The following GLE1 variants were observed in gnomAD, a reference collection of about 807,000 sequenced individuals.
GLE1 encodes GLE1 RNA export mediator, also known as mRNA export factor GLE1.
Under a neutral mutation model 97.3 loss-of-function variants are expected in GLE1, and 78 were observed. The ratio of observed to expected loss-of-function variants is 0.80; its 90% CI spans 0.67 to 0.97. The LOEUF is 0.97. Among genes scored for constraint, GLE1 ranks in the 50% least tolerant of loss-of-function variants. The pLI, the probability that GLE1 is intolerant of heterozygous loss-of-function variation, is 0.00. For missense variants in GLE1, 753 were observed against 857.5 expected (o/e 0.88, Z 1.52); for synonymous variants, 302 against 313.4 (o/e 0.96, Z 0.39).
intron 8 of GLE1, 43 bp downstream of exon 8, chr9:128,527,334 T>C (rs1356224463): frequency 7.5e-7 from 1 of 1,326,692 alleles, no homozygotes; most frequent in Non-Finnish European, 1.1e-6. Context: ...GACTTGATGG[T>C]TCTCAGAGAA....
At chr9:128,537,528 C>A (rs961410393) in intron 12 of GLE1, among the ~76,000 whole-genome samples, 1 of 147,934 alleles carries the variant, frequency 6.8e-6, no homozygotes, top group Non-Finnish European at 1.5e-5. Flanking sequence ...GAAGGCTGGG[C>A]GAGGTAGATT....
chr9:128,515,391 A>G, intron 2 of GLE1, 138 bp from the exon 3 acceptor site: 1 of 658,570 alleles, frequency 1.5e-6, no homozygotes, highest in South Asian at 1.7e-5. Context: ...ACTAGTTCTG[A>G]CCTAAATTTT....
rs778694188 is a variant in GLE1, at chr9:128,539,664, A to T, written c.1930A>T (p.Met644Leu). The T allele has an allele frequency of 6.2e-7, 1 of 1,611,974 alleles. No homozygotes were observed. The change falls in exon 14 of 16, where the codon ATG (methionine) becomes TTG (leucine). Residue 644 changes from methionine to leucine, a missense_variant. Transcript: ENST00000309971. ...MKQYQVQFWKMLILIKEDYFP... is the reference protein window; with the variant it reads ...MKQYQVQFWKLLILIKEDYFP... The stretch of plus-strand genomic sequence containing the variant: ...GCAATACCAGGTTCAGTTCTGGAAG[A>T]TGCTAATTCTCATCAAAGAGGACTA...
chr9:128,540,226 G>A (rs1187395964), intron 14 of GLE1, 49 bp from the exon 15 acceptor site: 1 of 1,242,426 alleles, frequency 8.0e-7, no homozygotes, highest in Admixed American at 1.7e-5. Context: ...GTTTCCAAAA[G>A]ATAGGTGTAT....
chr9:128,526,706 A>ACCCAGG (rs1847309894), intron 7 of GLE1, among the ~76,000 whole-genome samples: 1 of 149,440 alleles, frequency 6.7e-6, no homozygotes, highest in Non-Finnish European at 1.5e-5. Context: ...CACTCTTGTT[A>ACCCAGG]CCCAGGCTGG....
At chr9:128,526,151 A>G (rs1459744504) in intron 7 of GLE1, among the ~76,000 whole-genome samples, 2 of 150,868 alleles carry the variant, frequency 1.3e-5, no homozygotes, top group East Asian at 4.0e-4. Context: ...CCTCCCGAGT[A>G]GCTGGGATTA....
chr9:128,523,990 T>C (rs1589056609), intron 6 of GLE1, 144 bp downstream of exon 6: 3 of 747,618 alleles, frequency 4.0e-6, no homozygotes, highest in East Asian at 2.7e-5. Context: ...CCATATCTCT[T>C]TACCTAGAAG....
intron 2 of GLE1, among the ~76,000 whole-genome samples, chr9:128,514,338 C>CAA (rs1174493216): frequency 2.1e-4 from 19 of 91,500 alleles, no homozygotes; most frequent in Admixed American, 3.6e-4. Context: ...GATCTTGTTT[C>CAA]AAAAAAAAAA....
At chr9:128,538,223 A>C (rs1207979530) in intron 13 of GLE1, 133 bp downstream of exon 13, 1 of 694,812 alleles carries the variant, frequency 1.4e-6, no homozygotes, top group African/African-American at 1.8e-5. Context: ...AGTGTCATAC[A>C]TTTTTCCCAA....
At chr9:128,514,820 C>T (rs1434738351) in intron 2 of GLE1, among the ~76,000 whole-genome samples, 1 of 149,032 alleles carries the variant, frequency 6.7e-6, no homozygotes, top group African/African-American at 2.5e-5. Flanking sequence ...GAAAAAGGTG[C>T]CTGGCCTTTT....
At chr9:128,538,750 C>T (rs1010813510) in intron 13 of GLE1, among the ~76,000 whole-genome samples, 1 of 151,910 alleles carries the variant, frequency 6.6e-6, no homozygotes, top group Non-Finnish European at 1.5e-5. Context: ...GGCTGGAGTG[C>T]ATTAGTGTGA....
intron 13 of GLE1, among the ~76,000 whole-genome samples, chr9:128,538,876 A>T (rs1045599265): frequency 6.6e-6 from 1 of 152,198 alleles, no homozygotes; most frequent in Admixed American, 6.5e-5. Flanking sequence ...GACACTTCTT[A>T]TAGAAGAAAG....
chr9:128,528,368 A>G (rs1043566077), intron 9 of GLE1, among the ~76,000 whole-genome samples: 2 of 149,560 alleles, frequency 1.3e-5, no homozygotes, highest in African/African-American at 2.5e-5. Flanking sequence ...CAGTGGCGCA[A>G]TCTCGGCTCA....
Position 128,504,744 on chromosome 9 carries a change from GC to G in GLE1, c.-61del. On this transcript the variant is annotated 5_prime_UTR_variant, in exon 1 of 16. Coordinates refer to ENST00000309971, the MANE Select transcript of GLE1 (RefSeq NM_001003722.2). Reference sequence around the variant, plus strand: ...AGAAGCCTGTGTGGCCTTCCCGGCGGCTGATTCGAGGGCTTGTTTGGTCAGA... The same window carrying G: ...AGAAGCCTGTGTGGCCTTCCCGGCGGTGATTCGAGGGCTTGTTTGGTCAGA... 1 of 1,137,394 alleles carries G rather than the reference GC, an allele frequency of 8.8e-7. No individual in the cohort carries two copies. Among genetic ancestry groups the G allele is most frequent in the Non-Finnish European group, 1.3e-6 (1 of 749,810 alleles). 70.5% of individuals were successfully genotyped at this position (1,137,394 alleles called of 1,614,324 possible).
chr9:128,535,164 C>T (rs1008119225), intron 11 of GLE1, among the ~76,000 whole-genome samples: 1 of 151,840 alleles, frequency 6.6e-6, no homozygotes, highest in Non-Finnish European at 1.5e-5. Flanking sequence ...TCGCTTGAGC[C>T]CAGGAGTTCA....
intron 12 of GLE1, chr9:128,537,002 T>C (rs539415573): frequency 9.5e-5 from 16 of 168,378 alleles, no homozygotes; most frequent in African/African-American, 3.8e-4. Context: ...TTTTATTGTA[T>C]GCCTGCTGTG....
rs545417923 is a variant in GLE1 at position 128,514,184 on chromosome 9, C to G, written c.322-1345C>G. On this transcript the variant is annotated intron_variant, in intron 2 of 15. Transcript: ENST00000309971. The stretch of plus-strand genomic sequence containing the variant: ...AAAACCCTGTCTCTACAAAAAAATA[C>G]AAAAATTAGCCAGGTGTGGTGGCGT... Among the ~76,000 whole-genome samples, 10 of 151,210 alleles carry G rather than the reference C, an allele frequency of 6.6e-5. No homozygotes were observed. The South Asian group carries it at 1.9e-3, about 28-fold the overall frequency.
intron 2 of GLE1, among the ~76,000 whole-genome samples, chr9:128,512,418 G>C (rs1384683851): frequency 6.6e-6 from 1 of 152,158 alleles, no homozygotes; most frequent in Non-Finnish European, 1.5e-5. Flanking sequence ...TTGTATTTAT[G>C]AAAGACATTA....
intron 9 of GLE1, among the ~76,000 whole-genome samples, chr9:128,529,959 G>A (rs1352817079): frequency 6.6e-6 from 1 of 152,006 alleles, no homozygotes; most frequent in Non-Finnish European, 1.5e-5. Flanking sequence ...TGTATTTTTA[G>A]TAGAGACCAG....
Sources: allele counts gnomAD v4.1 joint callset (sites outside exome capture counted in the v4.1 genomes callset), GRCh38; gene constraint gnomAD v4.1.1; transcripts MANE v1.5; gene names NCBI Gene and HGNC (gene_info 2026-07-23, HGNC 2026-07-21).